Variants in GABRA2 observed in about 807,000 individuals in gnomAD.
GABRA2 encodes gamma-aminobutyric acid type A receptor subunit alpha2.
Under a neutral mutation model 48.7 loss-of-function variants are expected in GABRA2, and 16 were observed. That is an observed-to-expected ratio of 0.33 (90% CI 0.22 to 0.50). The LOEUF is 0.50. Among genes scored for constraint, GABRA2 ranks in the 20% least tolerant of loss-of-function variants. The pLI is 0.98. For synonymous variants in GABRA2, 185 were observed against 184.5 expected (o/e 1.00, Z -0.02); for missense variants, 275 against 535.6 (o/e 0.51, Z 4.80).
At chr4:46,345,876 G>T (rs1160905740) in intron 3 of GABRA2, among the ~76,000 whole-genome samples, 1 of 151,962 alleles carries the variant, frequency 6.6e-6, no homozygotes, top group African/African-American at 2.4e-5. Context: ...AAGTTATACT[G>T]TCTTCATCCC....
Position 46,250,039 on chromosome 4 carries a change from A to C in GABRA2, c.*269T>G, listed in dbSNP as rs200089212. 1 of 335,376 alleles carries C rather than the reference A, an allele frequency of 3.0e-6. No individual in the cohort carries two copies. Among genetic ancestry groups the C allele is most frequent in the Middle Eastern group, 8.6e-4 (1 of 1,166 alleles). 20.8% of individuals were successfully genotyped at this position (335,376 alleles called of 1,614,324 possible). On this transcript the variant is annotated 3_prime_UTR_variant, in exon 10 of 10. Coordinates refer to ENST00000381620, the MANE Select transcript of GABRA2 (RefSeq NM_000807.4). ...ATCTCATTTGGAAGAATAGGAAATT[A>C]ATCAGGTCACTTGAAATTCACTTTA...
chr4:46,334,087 T>C (rs888559518), intron 3 of GABRA2, among the ~76,000 whole-genome samples: 1 of 152,120 alleles, frequency 6.6e-6, no homozygotes, highest in Non-Finnish European at 1.5e-5. Flanking sequence ...TATAAAAGCA[T>C]TAGAAAATAA....
chr4:46,389,565 A>T, intron 1 of GABRA2, 170 bp downstream of exon 1: 1 of 415,514 alleles, frequency 2.4e-6, no homozygotes, highest in Non-Finnish European at 3.2e-6. Context: ...TTCTGGTGAT[A>T]AGTATCGAAA....
chr4:46,309,546 T>A (rs1727278110), intron 6 of GABRA2, among the ~76,000 whole-genome samples: 1 of 151,812 alleles, frequency 6.6e-6, no homozygotes, highest in Admixed American at 6.6e-5. Context: ...CCTTCCTCCT[T>A]TTCAATTATT....
At chr4:46,376,609 A>G (rs1414336321) in intron 3 of GABRA2, among the ~76,000 whole-genome samples, 1 of 152,200 alleles carries the variant, frequency 6.6e-6, no homozygotes, top group Non-Finnish European at 1.5e-5. Flanking sequence ...GGTAGTGGCC[A>G]GGCGTAGTGG....
chr4:46,287,434 G>A (rs1461680657), intron 8 of GABRA2, among the ~76,000 whole-genome samples: 3 of 151,684 alleles, frequency 2.0e-5, no homozygotes, highest in Non-Finnish European at 4.4e-5. Flanking sequence ...ATACACCATG[G>A]AATACTATGC....
chr4:46,289,552 G>A (rs975320355), intron 8 of GABRA2, among the ~76,000 whole-genome samples: 12 of 152,274 alleles, frequency 7.9e-5, no homozygotes, highest in African/African-American at 2.9e-4. Flanking sequence ...CTTTCCAAGG[G>A]TAGAGGGTGG....
intron 4 of GABRA2, among the ~76,000 whole-genome samples, chr4:46,324,118 A>T (rs1309347730): frequency 6.6e-6 from 1 of 151,854 alleles, no homozygotes; most frequent in Non-Finnish European, 1.5e-5. Context: ...ACTTGCCTCC[A>T]CCCACCGCAA....
At chr4:46,379,347 C>G (rs891109826) in intron 3 of GABRA2, among the ~76,000 whole-genome samples, 3 of 152,158 alleles carry the variant, frequency 2.0e-5, no homozygotes, top group Non-Finnish European at 4.4e-5. Context: ...TCCAGCCTCC[C>G]CAATGGCATC....
At chr4:46,306,350 T>C (rs1033943680) in intron 6 of GABRA2, among the ~76,000 whole-genome samples, 3 of 152,158 alleles carry the variant, frequency 2.0e-5, no homozygotes, top group African/African-American at 7.2e-5. Context: ...AAACTATGGA[T>C]TGGCAGGAAG....
chr4:46,320,395 T>C (rs577004414), intron 4 of GABRA2, among the ~76,000 whole-genome samples: 1 of 151,762 alleles, frequency 6.6e-6, no homozygotes, highest in African/African-American at 2.4e-5. Flanking sequence ...TGAACATCAC[T>C]CCAAAAGCTC....
intron 8 of GABRA2, among the ~76,000 whole-genome samples, chr4:46,281,670 G>A (rs1037057723): frequency 6.6e-6 from 1 of 152,148 alleles, no homozygotes; most frequent in Admixed American, 6.5e-5. Context: ...GAGTAGTAGA[G>A]ACAAAAGCTT....
chr4:46,376,979 C>A (rs1289624912), intron 3 of GABRA2, among the ~76,000 whole-genome samples: 5 of 152,164 alleles, frequency 3.3e-5, no homozygotes, highest in Non-Finnish European at 4.4e-5. Flanking sequence ...GCAAGTGATC[C>A]ACCAGCCTCG....
rs570223574 is a variant in GABRA2, at chr4:46,374,276, T to C, written c.187+11798A>G. ...AAACAGGAAATCTTCCATCTCTTTCTAAAAGTCCCCCATGACATTTGTCTT... is the reference window on the plus strand; with the variant it reads ...AAACAGGAAATCTTCCATCTCTTTCCAAAAGTCCCCCATGACATTTGTCTT... On this transcript the variant is annotated intron_variant, in intron 3 of 9. Transcript: ENST00000381620. Among the ~76,000 whole-genome samples the C allele has an allele frequency of 6.6e-5, 10 of 152,278 alleles. No homozygotes were observed. In the South Asian group the frequency reaches 2.1e-3, roughly 32 times the overall value.
At position 46,389,894 on chromosome 4, in the gene GABRA2, C is replaced by A. The variant is rs1175361620; in HGVS notation, c.-170G>T. On this transcript the variant is annotated 5_prime_UTR_variant, in exon 1 of 10. Transcript: ENST00000381620. ...CTGCAGCAGCCAAGAGAGCGTGGAG[C>A]GATGGGCTGGTGGAAGCCGGAGAGG... The A allele has an allele frequency of 1.0e-6, 1 of 964,558 alleles. No homozygotes were observed. Among genetic ancestry groups the A allele is most frequent in the Non-Finnish European group, 1.2e-6 (1 of 826,624 alleles). The allele number at this position is 964,558 out of a possible 1,614,324, so 59.7% of individuals were successfully genotyped here.
In GABRA2 at chr4:46,334,795, G is replaced by A. The variant is rs78179185; in HGVS notation, c.188-2113C>T. Among the ~76,000 whole-genome samples, 7 of 152,262 alleles carry A rather than the reference G, an allele frequency of 4.6e-5. No individual in the cohort carries two copies. In the East Asian group the frequency reaches 1.4e-3, roughly 29 times the overall value. ...TTTTAGAAAAAGAAATGGTTTCATG[G>A]ATTACTGACTTCATAAACATAGCTA... is the stretch of plus-strand genomic sequence containing the variant. On this transcript the variant is annotated intron_variant, in intron 3 of 9. Coordinates refer to ENST00000381620, the MANE Select transcript of GABRA2 (RefSeq NM_000807.4).
intron 1 of GABRA2, 23 bp from the exon 2 acceptor site, chr4:46,388,739 A>T: frequency 6.2e-7 from 1 of 1,613,210 alleles, no homozygotes; most frequent in Non-Finnish European, 8.5e-7. Flanking sequence ...ATGGAATGAA[A>T]AACAAAATAC....
chr4:46,303,390 G>A, intron 8 of GABRA2, 70 bp downstream of exon 8: 1 of 1,425,378 alleles, frequency 7.0e-7, no homozygotes, highest in Non-Finnish European at 9.9e-7. Flanking sequence ...TGAGGATCAA[G>A]AGAGATAATG....
chr4:46,252,471 C>A (rs1344923485), intron 9 of GABRA2, among the ~76,000 whole-genome samples: 1 of 147,880 alleles, frequency 6.8e-6, no homozygotes, highest in Non-Finnish European at 1.5e-5. Context: ...CCTTTATTAA[C>A]CCCATGATAT....
Sources: allele counts gnomAD v4.1 joint callset (sites outside exome capture counted in the v4.1 genomes callset), GRCh38; gene constraint gnomAD v4.1.1; transcripts MANE v1.5; gene names NCBI Gene and HGNC (gene_info 2026-07-23, HGNC 2026-07-21).